The following ANK1 variants were observed in gnomAD, a reference collection of about 807,000 sequenced individuals.
The protein encoded by ANK1 is ankyrin-1.
In ANK1, 51 loss-of-function variants were observed where a neutral mutation model predicts 210.4. The observed-to-expected ratio is 0.24, with a 90% confidence interval of 0.19 to 0.31. The LOEUF (loss-of-function observed/expected upper bound fraction) is 0.31. Ranked by LOEUF, ANK1 falls within the 10% of genes least tolerant of loss-of-function variation. The pLI, the probability that ANK1 is intolerant of heterozygous loss-of-function variation, is 1.00. For synonymous variants in ANK1, 967 were observed against 1,025.9 expected (o/e 0.94, Z 1.10); for missense variants, 2,051 against 2,504.4 (o/e 0.82, Z 3.86).
chr8:41,688,427 C>G, intron 34 of ANK1, 84 bp downstream of exon 34: 1 of 1,534,880 alleles, frequency 6.5e-7, no homozygotes, highest in South Asian at 1.1e-5. Flanking sequence ...CTCAGCAGAA[C>G]CCTCACAGGG....
At chr8:41,793,706 G>A (rs1015503052) in intron 1 of ANK1, among the ~76,000 whole-genome samples, 5 of 152,140 alleles carry the variant, frequency 3.3e-5, no homozygotes, top group Non-Finnish European at 4.4e-5. Context: ...ACCTTGTTCC[G>A]CTTTATCCAT....
At chr8:41,671,186 C>T (rs539135506) in intron 38 of ANK1, among the ~76,000 whole-genome samples, 9 of 152,136 alleles carry the variant, frequency 5.9e-5, no homozygotes, top group Non-Finnish European at 8.8e-5. Context: ...CTTCTCAGTG[C>T]GGGAAGCGTG....
chr8:41,677,143 C>T (rs1244271723), intron 37 of ANK1, among the ~76,000 whole-genome samples: 1 of 152,126 alleles, frequency 6.6e-6, no homozygotes, highest in African/African-American at 2.4e-5. Flanking sequence ...CATAATATCC[C>T]TTTATTGTCC....
intron 1 of ANK1, among the ~76,000 whole-genome samples, chr8:41,810,788 G>A (rs961454836): frequency 2.6e-5 from 4 of 152,252 alleles, no homozygotes; most frequent in Non-Finnish European, 4.4e-5. Context: ...GGAGAGCCAG[G>A]AGAACAGGAG....
chr8:41,814,245 A>C (rs571229560), intron 1 of ANK1, among the ~76,000 whole-genome samples: 1 of 152,212 alleles, frequency 6.6e-6, no homozygotes, highest in Admixed American at 6.5e-5. Flanking sequence ...CTGTAGTCCC[A>C]GCTACTCAGG....
chr8:41,720,699 C>A (rs529492334), intron 9 of ANK1, among the ~76,000 whole-genome samples: 1 of 152,042 alleles, frequency 6.6e-6, no homozygotes, highest in East Asian at 1.9e-4. Flanking sequence ...AGATGGCGTC[C>A]CTGATGAAGG....
intron 1 of ANK1, among the ~76,000 whole-genome samples, chr8:41,772,715 G>A (rs555855523): frequency 1.8e-4 from 27 of 152,332 alleles, no homozygotes; most frequent in Middle Eastern, 3.4e-3. Context: ...CTCCCTGTCC[G>A]CAGCTGCCCT....
chr8:41,753,709 A>G (rs1189424560), intron 2 of ANK1, among the ~76,000 whole-genome samples: 1 of 151,784 alleles, frequency 6.6e-6, no homozygotes, highest in Non-Finnish European at 1.5e-5. Flanking sequence ...CCACACCCAT[A>G]GTTCCCAGTG....
At chr8:41,856,874 CTT>C (rs35341809) in intron 1 of ANK1, among the ~76,000 whole-genome samples, 1,171 of 95,202 alleles carry the variant, frequency 0.012, 6 homozygotes, top group African/African-American at 0.052. Context: ...TAACAGCCCT[CTT>C]TTTTTTTTTT....
intron 2 of ANK1, among the ~76,000 whole-genome samples, chr8:41,754,886 C>CA (rs1195675287): frequency 6.6e-6 from 1 of 152,246 alleles, no homozygotes; most frequent in Non-Finnish European, 1.5e-5. Flanking sequence ...CAGCCACCTG[C>CA]AGCTACCTGT....
chr8:41,661,651 G>C, intron 41 of ANK1, 87 bp from the exon 42 acceptor site: 8 of 1,604,298 alleles, frequency 5.0e-6, no homozygotes, highest in Non-Finnish European at 6.8e-6. Context: ...GCCACACGGA[G>C]GTGGCAGACA....
chr8:41,861,823 T>C (rs2150818609), intron 1 of ANK1, among the ~76,000 whole-genome samples: 1 of 152,378 alleles, frequency 6.6e-6, no homozygotes, highest in South Asian at 2.1e-4. Flanking sequence ...CGTTCCTTGC[T>C]GAATCTTACA....
intron 14 of ANK1, 62 bp from the exon 15 acceptor site, chr8:41,715,136 C>T: frequency 2.0e-6 from 3 of 1,467,884 alleles, no homozygotes; most frequent in Non-Finnish European, 1.9e-6. Flanking sequence ...GGAGAAAGGG[C>T]CCACAGCAAA....
chr8:41,865,882 C>T (rs1814340467), intron 1 of ANK1, among the ~76,000 whole-genome samples: 1 of 152,196 alleles, frequency 6.6e-6, no homozygotes, highest in African/African-American at 2.4e-5. Context: ...GTCTTCAAAG[C>T]CACTATCCAC....
At chr8:41,809,236 T>TTATTTAGCTA (rs1361395524) in intron 1 of ANK1, among the ~76,000 whole-genome samples, 8 of 152,202 alleles carry the variant, frequency 5.3e-5, no homozygotes, top group African/African-American at 1.9e-4. Flanking sequence ...TAGCCAAGAT[T>TTATTTAGCTA]TATTTAGCTA....
chr8:41,856,874 CT>C (rs35341809), intron 1 of ANK1, among the ~76,000 whole-genome samples: 2,757 of 95,312 alleles, frequency 0.029, 27 homozygotes, highest in African/African-American at 0.084. Context: ...TAACAGCCCT[CT>C]TTTTTTTTTT....
intron 1 of ANK1, among the ~76,000 whole-genome samples, chr8:41,768,800 C>CA (rs34057212): frequency 7.6e-5 from 10 of 130,898 alleles, no homozygotes; most frequent in African/African-American, 1.7e-4. Flanking sequence ...CCTGTCTCCA[C>CA]AAAAAAAAAA....
chr8:41,669,835 C>T (rs1366786897), intron 38 of ANK1, among the ~76,000 whole-genome samples: 1 of 152,202 alleles, frequency 6.6e-6, no homozygotes, highest in Admixed American at 6.5e-5. Flanking sequence ...CCTCTCAAGG[C>T]AGGTGCAGCT....
intron 37 of ANK1, among the ~76,000 whole-genome samples, chr8:41,680,173 G>A (rs867010733): frequency 3.3e-5 from 5 of 152,170 alleles, no homozygotes; most frequent in East Asian, 1.9e-4. Context: ...GCAGCTTTGC[G>A]CCACAGAACA....
Sources: gnomAD v4.1 joint callset for allele counts (sites outside exome capture counted in the v4.1 genomes callset) on GRCh38, gnomAD v4.1.1 for gene constraint, MANE v1.5 for transcripts, NCBI Gene and HGNC (gene_info 2026-07-23, HGNC 2026-07-21) for gene names.